The following YPEL1 variants were observed in gnomAD, a reference collection of about 807,000 sequenced individuals.
The protein encoded by YPEL1 is protein yippee-like 1.
A neutral mutation model predicts 17.3 loss-of-function variants in YPEL1; 7 were observed. The ratio of observed to expected loss-of-function variants is 0.40; its 90% CI spans 0.23 to 0.76. The LOEUF (loss-of-function observed/expected upper bound fraction) is 0.76, where lower values mean the gene tolerates loss of function less well. YPEL1 is among the 30% of genes least tolerant of loss of function. The probability of loss-of-function intolerance (pLI) is 0.35; values close to 1 mark genes in which losing one functional copy is unlikely to be tolerated. For synonymous variants in YPEL1, 59 were observed against 59.6 expected, an observed-to-expected ratio of 0.99 and a Z score of 0.05; for missense variants, 91 against 155.5, an observed-to-expected ratio of 0.59 and a Z score of 2.21.
chr22:21,703,817 C>CG lies in YPEL1; in HGVS notation c.161+21dup, dbSNP rs2068089792. On this transcript the variant is annotated intron_variant, in intron 3 of 4. Transcript: ENST00000339468. The surrounding 1 kb of genome is among the most constrained non-coding windows in gnomAD (Gnocchi z 6.1). ...GTCCCAGGGCCCGTGCCGCTCCCCC[C>CG]GGGCTGAACCAGGGTACTCACACGG... The CG allele has an allele frequency of 3.7e-6, 6 of 1,607,106 alleles. No homozygotes were observed. Among genetic ancestry groups the CG allele is most frequent in the East Asian group, 2.3e-5 (1 of 44,382 alleles).
Position 21,720,872 on chromosome 22 carries a change from G to C in YPEL1, c.-164-9964C>G, listed in dbSNP as rs141397056. Among the ~76,000 whole-genome samples, 1,257 of 143,126 alleles carry C rather than the reference G, an allele frequency of 8.8e-3. 16 individuals carry two copies. The highest frequency in any genetic ancestry group is 0.031 in the African/African-American group (1,197 of 38,412). 93.9% of individuals were successfully genotyped at this position (143,126 alleles called of 152,430 possible). A position where few individuals can be genotyped will look rare whatever the true frequency, so the allele number is the denominator to read the frequency against. On this transcript the variant is annotated intron_variant, in intron 1 of 4. Transcript: ENST00000339468. ...CACTCAGACTGGAGTGCAGTGGTGT[G>C]ATCTCAGCTTACTGCAAACCCTGCC...
At chr22:21,732,983 G>A (rs532971223) in intron 1 of YPEL1, among the ~76,000 whole-genome samples, 3 of 152,206 alleles carry the variant, frequency 2.0e-5, no homozygotes, top group African/African-American at 4.8e-5. Context: ...GGGCATGGTG[G>A]TGCACACCCA....
At chr22:21,708,683 T>A (rs1178101306) in intron 2 of YPEL1, among the ~76,000 whole-genome samples, 15 of 87,032 alleles carry the variant, frequency 1.7e-4, no homozygotes, top group African/African-American at 6.2e-4. Flanking sequence ...TTTTTTTTTT[T>A]AAGACAGAGT....
intron 1 of YPEL1, among the ~76,000 whole-genome samples, chr22:21,721,374 T>A (rs1188402371): frequency 6.6e-6 from 1 of 151,822 alleles, no homozygotes; most frequent in Non-Finnish European, 1.5e-5. Context: ...CGCCGCAGCC[T>A]CCCAAAGTGC....
chr22:21,721,269 C>T (rs187775505), intron 1 of YPEL1, among the ~76,000 whole-genome samples: 1 of 151,008 alleles, frequency 6.6e-6, no homozygotes, highest in Non-Finnish European at 1.5e-5. Context: ...TGTGCCACCA[C>T]GCCCGGCTAA....
intron 2 of YPEL1, among the ~76,000 whole-genome samples, chr22:21,708,762 G>A (rs2068137904): frequency 2.0e-5 from 3 of 149,898 alleles, no homozygotes; most frequent in Admixed American, 6.7e-5. Context: ...CGCCTCCCAG[G>A]TTCAAACGAT....
chr22:21,703,931 G>A lies in YPEL1; in HGVS notation c.118-49C>T, dbSNP rs940995933. 7.7e-6 allele frequency: 12 copies of A among 1,557,184 alleles called. No individual in the cohort carries two copies. Among genetic ancestry groups the A allele is most frequent in the South Asian group, 3.5e-5 (3 of 84,524 alleles). ...ATTGGCTGCGAGTGCTTTCTGGAACGAAGCGGTGCTGCCCAGAACCAGGGG... is the reference window on the plus strand; with the variant it reads ...ATTGGCTGCGAGTGCTTTCTGGAACAAAGCGGTGCTGCCCAGAACCAGGGG... On this transcript the variant is annotated intron_variant, in intron 2 of 4. Coordinates refer to ENST00000339468, the MANE Select transcript of YPEL1 (RefSeq NM_013313.5). The surrounding 1 kb of genome is among the most constrained non-coding windows in gnomAD (Gnocchi z 6.1).
chr22:21,710,448 C>T (rs2068153277), intron 2 of YPEL1, 180 bp downstream of exon 2: 15 of 629,006 alleles, frequency 2.4e-5, no homozygotes, highest in Non-Finnish European at 3.4e-5. Flanking sequence ...CATCTGAGAT[C>T]GTGGCACAGC....
chr22:21,703,571 G>A lies in YPEL1; in HGVS notation c.162-93C>T, dbSNP rs2068086212. ...CGGGCCCCACCCCATCCTCCTAAGA[G>A]TTCCCCCAAAACAGGGAAACTCCCA... On this transcript the variant is annotated intron_variant, in intron 3 of 4. Transcript: ENST00000339468. The surrounding 1 kb of genome is among the most constrained non-coding windows in gnomAD (Gnocchi z 6.1). 4 of 1,206,812 alleles carry A rather than the reference G, an allele frequency of 3.3e-6. No individual in the cohort carries two copies. The highest frequency in any genetic ancestry group is 4.8e-6 in the Non-Finnish European group (4 of 838,472). The allele number at this position is 1,206,812 out of a possible 1,614,324, so 74.8% of individuals were successfully genotyped here.
At chr22:21,730,436 T>G (rs1430159701) in intron 1 of YPEL1, among the ~76,000 whole-genome samples, 2 of 152,196 alleles carry the variant, frequency 1.3e-5, no homozygotes, top group Non-Finnish European at 2.9e-5. Flanking sequence ...TTGGCCAGGC[T>G]TGCCTTGAAC....
At position 21,703,278 on chromosome 22, in the gene YPEL1, T is replaced by C. The variant is rs118057713; in HGVS notation, c.270+92A>G. ...GGGTTTCTGAAAGTGCTGTGACTGG[T>C]ACCATGGGCCACACTGCACGGGGAG... On this transcript the variant is annotated intron_variant, in intron 4 of 4. Coordinates refer to ENST00000339468, the MANE Select transcript of YPEL1 (RefSeq NM_013313.5). This position sits in a 1 kb window ranked among gnomAD's most constrained non-coding sequence, Gnocchi z 6.1. 1,153 of 1,120,034 alleles carry C rather than the reference T, an allele frequency of 1.0e-3. 9 individuals are homozygous for C. The highest frequency in any genetic ancestry group is 7.4e-3 in the East Asian group (312 of 42,266). The allele number at this position is 1,120,034 out of a possible 1,614,324, so 69.4% of individuals were successfully genotyped here.
At chr22:21,713,403 G>A (rs1470121883) in intron 1 of YPEL1, among the ~76,000 whole-genome samples, 1 of 152,160 alleles carries the variant, frequency 6.6e-6, no homozygotes, top group Non-Finnish European at 1.5e-5. Context: ...TCAAAATGTG[G>A]CGTCTGCATA....
rs1383979907 is a variant in YPEL1, at chr22:21,699,355, G to C, written c.*1774C>G. The C allele has an allele frequency of 1.3e-5, 2 of 152,822 alleles. No individual in the cohort carries two copies. The highest frequency in any genetic ancestry group is 4.8e-5 in the African/African-American group (2 of 41,462). 9.5% of individuals were successfully genotyped at this position (152,822 alleles called of 1,614,324 possible). A position where few individuals can be genotyped will look rare whatever the true frequency, so the allele number is the denominator to read the frequency against. On this transcript the variant is annotated 3_prime_UTR_variant, in exon 5 of 5. Transcript: ENST00000339468. The stretch of plus-strand genomic sequence containing the variant: ...CCCTCGGTCCCCCTGCCTGCCCTCT[G>C]CCCTGAGACAAGTTACTAAATGTTG...
At chr22:21,713,975 C>T (rs917425812) in intron 1 of YPEL1, among the ~76,000 whole-genome samples, 2 of 152,124 alleles carry the variant, frequency 1.3e-5, no homozygotes, top group South Asian at 2.1e-4. Flanking sequence ...TTCGAGAGCA[C>T]GGGGCTGGGA....
rs1253329835 is a variant in YPEL1 at position 21,700,174 on chromosome 22, C to G, written c.*955G>C. On this transcript the variant is annotated 3_prime_UTR_variant, in exon 5 of 5. Coordinates refer to ENST00000339468, the MANE Select transcript of YPEL1 (RefSeq NM_013313.5). ...AAGGGTTCATTTGCAAGAGGAATAG[C>G]CAATTTGAAGTTCTGCAAATTTAAG... is the stretch of plus-strand genomic sequence containing the variant. The G allele has an allele frequency of 6.6e-6, 1 of 152,298 alleles. No homozygotes were observed. The highest frequency in any genetic ancestry group is 1.9e-4 in the East Asian group (1 of 5,334). 9.4% of individuals were successfully genotyped at this position (152,298 alleles called of 1,614,324 possible).
At chr22:21,723,464 T>C (rs868264107) in intron 1 of YPEL1, among the ~76,000 whole-genome samples, 1 of 152,252 alleles carries the variant, frequency 6.6e-6, no homozygotes, top group South Asian at 2.1e-4. Context: ...GCCTCCTGGG[T>C]TCAAGCCATT....
chr22:21,716,257 C>CA (rs1344458452), intron 1 of YPEL1, among the ~76,000 whole-genome samples: 1 of 152,198 alleles, frequency 6.6e-6, no homozygotes, highest in African/African-American at 2.4e-5. Context: ...TCATAGAAAC[C>CA]AACTTTTTGT....
chr22:21,706,904 G>T (rs1027346612), intron 2 of YPEL1, among the ~76,000 whole-genome samples: 9 of 151,978 alleles, frequency 5.9e-5, no homozygotes, highest in Admixed American at 2.0e-4. Flanking sequence ...AAAATACTAA[G>T]TGAGGAAAAG....
chr22:21,703,708 C>CGCG lies in YPEL1; in HGVS notation c.161+130_161+131insCGC, dbSNP rs1555903173. The stretch of plus-strand genomic sequence containing the variant: ...ATCCTTAGCGCGTTTCAGAAACTCC[C>CGCG]GGCGGGGGGATGGTGGGTTCTTTCA... On this transcript the variant is annotated intron_variant, in intron 3 of 4. Transcript: ENST00000339468. This position sits in a 1 kb window ranked among gnomAD's most constrained non-coding sequence, Gnocchi z 6.1. 1.7e-5 allele frequency: 17 copies of CGCG among 990,504 alleles called. No individual in the cohort carries two copies. Among genetic ancestry groups the CGCG allele is most frequent in the Non-Finnish European group, 2.2e-5 (15 of 675,362 alleles). The allele number at this position is 990,504 out of a possible 1,614,324, so 61.4% of individuals were successfully genotyped here.
Sources: allele counts gnomAD v4.1 joint callset (sites outside exome capture counted in the v4.1 genomes callset), GRCh38; gene constraint gnomAD v4.1.1; non-coding constraint Gnocchi (gnomAD v3.1); transcripts MANE v1.5; gene names NCBI Gene and HGNC (gene_info 2026-07-23, HGNC 2026-07-21).